The following TNN variants were observed in gnomAD, a reference collection of about 807,000 sequenced individuals.
TNN encodes tenascin N, also known as tenascin-N.
In TNN, 122 loss-of-function variants were observed where a neutral mutation model predicts 134.4. The ratio of observed to expected loss-of-function variants is 0.91; its 90% CI spans 0.78 to 1.06. The LOEUF is 1.06. Among genes scored for constraint, TNN ranks in the 50% least tolerant of loss-of-function variants. TNN has a pLI of 0.00. For synonymous variants in TNN, 710 were observed against 670.3 expected, an observed-to-expected ratio of 1.06 and a Z score of -0.91; for missense variants, 1,739 against 1,699.4, an observed-to-expected ratio of 1.02 and a Z score of -0.41.
rs3028580 is a variant in TNN, at chr1:175,145,552, C to CAAA, written c.3759+1023_3759+1025dup. 6.6e-4 allele frequency among the ~76,000 whole-genome samples: 19 copies of CAAA among 28,912 alleles called. 4 individuals carry two copies. Among genetic ancestry groups the CAAA allele is most frequent in the South Asian group, 4.1e-3 (2 of 486 alleles). 19.0% of individuals were successfully genotyped at this position (28,912 alleles called of 152,430 possible). ...TGGGTGGCAGAGCAAGACCCTGTCT[C>CAAA]AAAAAAAAAAAAAAAAAAAAAAAGC... On this transcript the variant is annotated intron_variant, in intron 18 of 18. Coordinates refer to ENST00000239462, the MANE Select transcript of TNN (RefSeq NM_022093.2).
chr1:175,124,959 G>A (rs929611332), intron 12 of TNN, among the ~76,000 whole-genome samples: 1 of 152,220 alleles, frequency 6.6e-6, no homozygotes, highest in Admixed American at 6.5e-5. Flanking sequence ...AAATGTGAAA[G>A]TAACTAAGAC....
Position 175,135,826 on chromosome 1 carries a change from T to G in TNN, c.3331-19T>G. 1 of 1,595,086 alleles carries G rather than the reference T, an allele frequency of 6.3e-7. No homozygotes were observed. The highest frequency in any genetic ancestry group is 8.6e-7 in the Non-Finnish European group (1 of 1,162,844). ...GTCTGTTTGGAGGGTCAGAGTGAAG[T>G]ATTCATCTTCCTTCTCAGGTCTTCC... On this transcript the variant is annotated intron_variant, in intron 15 of 18. Transcript: ENST00000239462.
chr1:175,093,597 G>A (rs1342336934), intron 6 of TNN, among the ~76,000 whole-genome samples: 2 of 151,902 alleles, frequency 1.3e-5, no homozygotes, highest in Non-Finnish European at 1.5e-5. Context: ...GGGAGGTGAT[G>A]TTGTTTTGAT....
intron 9 of TNN, among the ~76,000 whole-genome samples, chr1:175,102,355 G>T (rs1459965297): frequency 1.4e-5 from 2 of 146,234 alleles, no homozygotes; most frequent in East Asian, 2.3e-4. Context: ...GCAGGGGATG[G>T]TATTCGTCGG....
chr1:175,110,189 A>G (rs1436645452), intron 9 of TNN, among the ~76,000 whole-genome samples: 5 of 152,206 alleles, frequency 3.3e-5, no homozygotes, highest in Non-Finnish European at 7.4e-5. Flanking sequence ...TCATTTGCCC[A>G]TTTTAAAATA....
intron 7 of TNN, among the ~76,000 whole-genome samples, chr1:175,096,592 C>G (rs1406908041): frequency 6.6e-6 from 1 of 152,158 alleles, no homozygotes; most frequent in Non-Finnish European, 1.5e-5. Flanking sequence ...GTCATGCTAA[C>G]CATACACACA....
intron 9 of TNN, among the ~76,000 whole-genome samples, chr1:175,115,661 C>T (rs748746071): frequency 1.1e-4 from 16 of 152,098 alleles, no homozygotes; most frequent in Non-Finnish European, 2.1e-4. Flanking sequence ...AACAGTAGCT[C>T]CAGTTCCAAG....
chr1:175,115,051 G>C (rs996857591), intron 9 of TNN, among the ~76,000 whole-genome samples: 5 of 152,080 alleles, frequency 3.3e-5, no homozygotes, highest in African/African-American at 1.2e-4. Context: ...GACTCAGGGG[G>C]CCTAGTCCAG....
At chr1:175,139,884 G>A (rs780217344) in intron 17 of TNN, among the ~76,000 whole-genome samples, 3 of 152,322 alleles carry the variant, frequency 2.0e-5, no homozygotes, top group South Asian at 4.1e-4. Context: ...GACCACTGTC[G>A]TATATGCAGT....
At chr1:175,074,929 C>T (rs61827406) in intron 1 of TNN, among the ~76,000 whole-genome samples, 4,096 of 152,318 alleles carry the variant, frequency 0.027, 80 homozygotes, top group Non-Finnish European at 0.045. Flanking sequence ...TCTGCCACTT[C>T]GTTGTTGGGC....
chr1:175,127,407 A>T (rs1675559124), intron 13 of TNN, among the ~76,000 whole-genome samples: 1 of 152,208 alleles, frequency 6.6e-6, no homozygotes, highest in African/African-American at 2.4e-5. Flanking sequence ...TTAGAATCTG[A>T]AGGCCAGCAA....
intron 6 of TNN, among the ~76,000 whole-genome samples, chr1:175,092,932 C>T (rs542179548): frequency 1.3e-5 from 2 of 152,354 alleles, no homozygotes; most frequent in Non-Finnish European, 2.9e-5. Context: ...TGCACCCCCA[C>T]CATCTTGCAT....
At chr1:175,114,912 TG>T (rs1159423343) in intron 9 of TNN, among the ~76,000 whole-genome samples, 1 of 152,050 alleles carries the variant, frequency 6.6e-6, no homozygotes, top group Admixed American at 6.5e-5. Flanking sequence ...TCCCAGTCTC[TG>T]TAAGGCCAGA....
chr1:175,117,123 G>A lies in TNN; in HGVS notation c.2304G>A (p.Arg768=), dbSNP rs376477062. Residue 768 remains arginine (R), a synonymous_variant, in exon 10 of 19, where the codon AGG becomes AGA. Transcript: ENST00000239462. ...GTAGCACTGTCCTGACGGGCCTGAG[G>A]CCGGGTGTGGAGTACACGGTGCACG... ...EQSSTVLTGL[R]PGVEYTVHVW... 9.3e-6 allele frequency: 15 copies of A among 1,614,166 alleles called. No homozygotes were observed. The South Asian group carries it at 9.9e-5, about 11-fold the overall frequency.
At chr1:175,081,043 C>T (rs1031867548) in intron 4 of TNN, among the ~76,000 whole-genome samples, 2 of 152,162 alleles carry the variant, frequency 1.3e-5, no homozygotes, top group African/African-American at 4.8e-5. Context: ...GCAGGCAGTC[C>T]ACCGTGTCTC....
intron 17 of TNN, among the ~76,000 whole-genome samples, chr1:175,140,131 T>C: frequency 6.6e-6 from 1 of 152,250 alleles, no homozygotes; most frequent in East Asian, 1.9e-4. Context: ...GACAGCTTAT[T>C]CCAGGTTCTT....
At chr1:175,139,325 T>C (rs2101853022) in intron 17 of TNN, among the ~76,000 whole-genome samples, 1 of 152,354 alleles carries the variant, frequency 6.6e-6, no homozygotes, top group Admixed American at 6.5e-5. Flanking sequence ...TACAAACATA[T>C]TTTCTTTCTT....
rs184183055 is a variant in TNN at position 175,110,336 on chromosome 1, G to A, written c.2120-6603G>A. Reference sequence around the variant, plus strand: ...ATGTAGGTTGTCTCTGCATTCTGTCGATTATTTCCTTTGCTGTGCAAAAGC... The same window carrying A: ...ATGTAGGTTGTCTCTGCATTCTGTCAATTATTTCCTTTGCTGTGCAAAAGC... On this transcript the variant is annotated intron_variant, in intron 9 of 18. Transcript: ENST00000239462. Among the ~76,000 whole-genome samples, 12 of 152,234 alleles carry A rather than the reference G, an allele frequency of 7.9e-5. No individual in the cohort carries two copies. In the East Asian group the frequency reaches 1.5e-3, roughly 20 times the overall value.
intron 9 of TNN, among the ~76,000 whole-genome samples, chr1:175,102,299 T>G (rs1429337900): frequency 6.8e-6 from 1 of 146,098 alleles, no homozygotes; most frequent in Non-Finnish European, 1.5e-5. Flanking sequence ...GCCATGAACT[T>G]GTACTCCTCA....
Sources: allele counts gnomAD v4.1 joint callset (sites outside exome capture counted in the v4.1 genomes callset), GRCh38; gene constraint gnomAD v4.1.1; transcripts MANE v1.5; gene names NCBI Gene and HGNC (gene_info 2026-07-23, HGNC 2026-07-21).